ZAN: variants seen among roughly 807,000 people sequenced by gnomAD.
The protein encoded by ZAN is zonadhesin.
ZAN carries 260 observed loss-of-function variants against 286.2 expected under a neutral mutation model. That is an observed-to-expected ratio of 0.91 (90% CI 0.82 to 1.01). The LOEUF is 1.01. ZAN is among the 50% of genes least tolerant of loss of function. The pLI is 0.00. For missense variants in ZAN, 3,410 were observed against 3,639.2 expected (o/e 0.94, Z 1.62); for synonymous variants, 1,368 against 1,417.5 (o/e 0.97, Z 0.79).
rs1436035816 is a variant in ZAN, at chr7:100,773,441, G to T, written c.5582G>T (p.Cys1861Phe). The T allele has an allele frequency of 2.5e-6, 4 of 1,613,854 alleles. No individual in the cohort carries two copies. Among genetic ancestry groups the T allele is most frequent in the African/African-American group, 1.3e-5 (1 of 74,942 alleles). Reference protein sequence around the residue: ...QKGHILSGTSCVPLGQCGCTD... With the variant: ...QKGHILSGTSFVPLGQCGCTD... The stretch of plus-strand genomic sequence containing the variant: ...GGCCACATCTTGAGTGGAACCTCCT[G>T]CGTGCCCCTTGGCCAGTGTGGCTGC... Residue 1861 changes from cysteine (C) to phenylalanine (F), a missense_variant, in exon 30 of 48, where the codon TGC (cysteine) becomes TTC (phenylalanine). Cys to Phe is a radical substitution (Grantham distance 205). Transcript: ENST00000613979.
intron 14 of ZAN, among the ~76,000 whole-genome samples, 175 bp downstream of exon 14, chr7:100,753,404 G>A (rs1324576355): frequency 6.6e-6 from 1 of 152,236 alleles, no homozygotes; most frequent in African/African-American, 2.4e-5. Flanking sequence ...GGGGAGGACT[G>A]CCCAGAGCGA....
At position 100,792,007 on chromosome 7, in the gene ZAN, G is replaced by C. The variant is rs750975529; in HGVS notation, c.7571G>C (p.Gly2524Ala). 6.2e-6 allele frequency: 10 copies of C among 1,613,216 alleles called. No individual in the cohort carries two copies. The East Asian group carries it at 2.2e-4, about 36-fold the overall frequency. The change falls in exon 41 of 48, where the codon GGC becomes GCC. Residue 2524 changes from glycine (G) to alanine (A), a missense_variant. Gly to Ala is a moderately conservative substitution (Grantham distance 60). Transcript: ENST00000613979. ...AEEEGQGAEL[G>A]LRTGLQVSEC... ...GAGGAGGGACAAGGGGCGGAGCTGGGCCTCCGCACGGGCCTCCAAGTGTCC... is the reference window on the plus strand; with the variant it reads ...GAGGAGGGACAAGGGGCGGAGCTGGCCCTCCGCACGGGCCTCCAAGTGTCC...
In ZAN at chr7:100,773,507, T is replaced by C; in HGVS notation, c.5634+14T>C. On this transcript the variant is annotated intron_variant, in intron 30 of 47. Transcript: ENST00000613979. The stretch of plus-strand genomic sequence containing the variant: ...TCCTACCACCCGGTGAGAGGCCAGC[T>C]AGGAGGGGCCCCGCCCTTTCCAGGC... The C allele has an allele frequency of 6.2e-7, 1 of 1,612,158 alleles. No individual in the cohort carries two copies. The highest frequency in any genetic ancestry group is 1.1e-5 in the South Asian group (1 of 90,982).
intron 45 of ZAN, 30 bp from the exon 46 acceptor site, chr7:100,797,336 G>A (rs372967629): frequency 7.7e-5 from 124 of 1,608,894 alleles, no homozygotes; most frequent in South Asian, 2.2e-4. Context: ...TCTCACGTTC[G>A]ACCTAATGTC....
In ZAN at chr7:100,739,361, G is replaced by C. The variant is rs1002921065; in HGVS notation, c.766+748G>C. ...ATACTGAGCACCTACAATATGCCAG[G>C]TGCTGTCCTAGGCACTTAAAATACA... On this transcript the variant is annotated intron_variant, in intron 7 of 47. Transcript: ENST00000613979. Among the ~76,000 whole-genome samples the C allele has an allele frequency of 7.2e-5, 10 of 138,270 alleles. 1 individual carries two copies. Among genetic ancestry groups the C allele is most frequent in the African/African-American group, 2.4e-4 (9 of 37,908 alleles). The allele number at this position is 138,270 out of a possible 152,430, so 90.7% of individuals were successfully genotyped here.
chr7:100,789,315 T>C lies in ZAN; in HGVS notation c.7325T>C (p.Leu2442Pro). ...QRLYLVTDFELVVSFGGRKNA... is the reference protein window; with the variant it reads ...QRLYLVTDFEPVVSFGGRKNA... The stretch of plus-strand genomic sequence containing the variant: ...CTCTACCTGGTCACCGACTTTGAGC[T>C]GGTCGTCAGCTTTGGTGGAAGGAAA... Residue 2442 changes from leucine to proline, a missense_variant, in exon 39 of 48, where the codon CTG becomes CCG. Coordinates refer to ENST00000613979, the MANE Select transcript of ZAN (RefSeq NM_003386.3). The C allele has an allele frequency of 1.2e-6, 2 of 1,613,808 alleles. No individual in the cohort carries two copies. Among genetic ancestry groups the C allele is most frequent in the Non-Finnish European group, 1.7e-6 (2 of 1,179,808 alleles).
At chr7:100,762,131 A>T (rs1809625097) in intron 19 of ZAN, 84 bp from the exon 20 acceptor site, 1 of 1,567,130 alleles carries the variant, frequency 6.4e-7, no homozygotes, top group Admixed American at 1.7e-5. Context: ...TTAGGATCCC[A>T]GCTCCTTGCC....
rs770625598 is a variant in ZAN, at chr7:100,792,593, C to G, written c.7787+114C>G. 4 of 1,537,912 alleles carry G rather than the reference C, an allele frequency of 2.6e-6. No individual in the cohort carries two copies. In the African/African-American group the frequency reaches 5.5e-5, roughly 21 times the overall value. ...CCGACCCTGACCCCTCTGCCGTCCA[C>G]CTCTGCTGAACGCTCTTCCCACCAT... On this transcript the variant is annotated intron_variant, in intron 42 of 47. Coordinates refer to ENST00000613979, the MANE Select transcript of ZAN (RefSeq NM_003386.3).
chr7:100,796,428 T>C (rs1812367659), intron 45 of ZAN, among the ~76,000 whole-genome samples: 1 of 150,850 alleles, frequency 6.6e-6, no homozygotes, highest in African/African-American at 2.4e-5. Flanking sequence ...CTGCTTTTTT[T>C]TTTTTTTTTT....
intron 40 of ZAN, among the ~76,000 whole-genome samples, chr7:100,791,459 T>C (rs1811955749): frequency 6.6e-6 from 1 of 151,980 alleles, no homozygotes; most frequent in Admixed American, 6.6e-5. Context: ...CAGGCTGGAG[T>C]GCAGTGGCAT....
chr7:100,740,097 T>A (rs2115640999), intron 7 of ZAN, among the ~76,000 whole-genome samples: 1 of 139,666 alleles, frequency 7.2e-6, no homozygotes. Flanking sequence ...GAGGTAGCAG[T>A]GGGGCTGTCG....
chr7:100,783,763 A>AATATATATATAT (rs1554409733), intron 35 of ZAN, among the ~76,000 whole-genome samples: 77 of 7,476 alleles, frequency 0.01, 3 homozygotes, highest in African/African-American at 0.037. Context: ...AAAAAAAAAA[A>AATATATATATAT]ATATATATAT....
intron 35 of ZAN, among the ~76,000 whole-genome samples, chr7:100,783,817 C>CAT (rs71837847): frequency 0.011 from 824 of 74,314 alleles, 75 homozygotes; most frequent in South Asian, 0.11. Flanking sequence ...TATATATATA[C>CAT]ATATATATAT....
chr7:100,754,922 G>A (rs891097504), intron 14 of ZAN, among the ~76,000 whole-genome samples: 1 of 152,066 alleles, frequency 6.6e-6, no homozygotes, highest in Non-Finnish European at 1.5e-5. Flanking sequence ...GATTACAGGC[G>A]TGAGCCACCG....
Position 100,793,946 on chromosome 7 carries a change from G to A in ZAN, c.7914G>A (p.Arg2638=), listed in dbSNP as rs1174412099. The part of the protein sequence containing the change: ...PLRGRLRQHP[R]LCLQWHPEPP... ...GTGGAAGGCTGCGCCAGCATCCCAG[G>A]CTATGCCTACAGTGGCACCCAGAGC... The change falls in exon 43 of 48, where the codon AGG becomes AGA. Residue 2638 remains arginine (R), a synonymous_variant. Coordinates refer to ENST00000613979, the MANE Select transcript of ZAN (RefSeq NM_003386.3). 1.2e-6 allele frequency: 2 copies of A among 1,613,910 alleles called. No homozygotes were observed. The highest frequency in any genetic ancestry group is 1.7e-6 in the Non-Finnish European group (2 of 1,179,870).
chr7:100,760,251 G>A, intron 18 of ZAN, 140 bp from the exon 19 acceptor site: 2 of 1,135,248 alleles, frequency 1.8e-6, no homozygotes, highest in Non-Finnish European at 2.5e-6. Flanking sequence ...TGGTGAGGAA[G>A]CTCCAGTCCA....
In ZAN at chr7:100,738,714, C is replaced by T. The variant is rs147660500; in HGVS notation, c.766+101C>T. The T allele has an allele frequency of 9.7e-4, 1,195 of 1,232,942 alleles. 157 individuals carry two copies. The African/African-American group carries it at 0.017, about 17-fold the overall frequency. The allele number at this position is 1,232,942 out of a possible 1,614,324, so 76.4% of individuals were successfully genotyped here. A position where few individuals can be genotyped will look rare whatever the true frequency, so the allele number is the denominator to read the frequency against. On this transcript the variant is annotated intron_variant, in intron 7 of 47. Transcript: ENST00000613979. ...TGTCATGAACACCTACAGCTTCAAG[C>T]CTCTTACCAGCTCAAGTTTCACGCA...
chr7:100,767,630 C>T (rs956639703), intron 25 of ZAN, among the ~76,000 whole-genome samples: 1 of 151,558 alleles, frequency 6.6e-6, no homozygotes, highest in African/African-American at 2.4e-5. Flanking sequence ...CATGCACCAC[C>T]TGCACGGCTA....
At position 100,767,958 on chromosome 7, in the gene ZAN, T is replaced by A. The variant is rs764735495; in HGVS notation, c.4988T>A (p.Leu1663Ter). Reference protein sequence around the residue: ...GLQVRYDGSHLVEVTVPSSYG... With the variant: ...GLQVRYDGSH ...CAAGTTCGCTACGACGGGAGCCACT[T>A]GGTGGAAGTGACAGTCCCCTCCTCC... Residue 1663 changes from leucine (L) to a stop codon, truncating the protein, a stop_gained, in exon 26 of 48, where the codon TTG becomes TAG. Transcript: ENST00000613979. LOFTEE classifies it high-confidence loss of function. The A allele has an allele frequency of 6.2e-7, 1 of 1,613,940 alleles. No individual in the cohort carries two copies. Among genetic ancestry groups the A allele is most frequent in the Non-Finnish European group, 8.5e-7 (1 of 1,179,872 alleles).
Sources: allele counts gnomAD v4.1 joint callset (sites outside exome capture counted in the v4.1 genomes callset), GRCh38; gene constraint gnomAD v4.1.1; transcripts MANE v1.5; gene names NCBI Gene and HGNC (gene_info 2026-07-23, HGNC 2026-07-21).